The following ASB6 variants were observed in gnomAD, a reference collection of about 807,000 sequenced individuals.
The protein encoded by ASB6 is ankyrin repeat and SOCS box containing 6.
A neutral mutation model predicts 28.6 loss-of-function variants in ASB6; 24 were observed. That is an observed-to-expected ratio of 0.84 (90% confidence interval 0.61 to 1.18). The LOEUF (loss-of-function observed/expected upper bound fraction) is 1.18. ASB6 is among the 50% of genes most tolerant of loss of function. The probability of loss-of-function intolerance (pLI) is 0.00; values close to 1 mark genes in which losing one functional copy is unlikely to be tolerated. For synonymous variants in ASB6, 267 were observed against 243.4 expected (o/e 1.10, Z -0.90); for missense variants, 519 against 559.8 (o/e 0.93, Z 0.74).
chr9:129,637,889 C>A lies in ASB6; in HGVS notation c.1167G>T (p.Pro389=). The A allele has an allele frequency of 6.4e-7, 1 of 1,569,044 alleles. No individual in the cohort carries two copies. Among genetic ancestry groups the A allele is most frequent in the Non-Finnish European group, 8.6e-7 (1 of 1,157,242 alleles). Residue 389 remains proline (P), a synonymous_variant, in exon 6 of 6, where the codon CCG becomes CCT. Transcript: ENST00000277458. ...CRVAIRLYLQ[P]WPVDVKVKAL... is the part of the protein sequence containing the mutation. ...CTTTGACCTTCACATCCACAGGCCACGGCTGAAGGTAGAGCCGGATGGCCA... is the reference window on the plus strand; with the variant it reads ...CTTTGACCTTCACATCCACAGGCCAAGGCTGAAGGTAGAGCCGGATGGCCA...
Position 129,635,594 on chromosome 9 carries a change from C to T in ASB6, c.*2196G>A. 2 of 1,142,032 alleles carry T rather than the reference C, an allele frequency of 1.8e-6. No homozygotes were observed. Among genetic ancestry groups the T allele is most frequent in the Non-Finnish European group, 1.2e-6 (1 of 805,188 alleles). The allele number at this position is 1,142,032 out of a possible 1,614,324, so 70.7% of individuals were successfully genotyped here. ...CCACTAAATATAGCTGTCTGCCGTC[C>T]ACTCATTATGCGGGCTCTTCTTCAA... On this transcript the variant is annotated 3_prime_UTR_variant, in exon 6 of 6. Transcript: ENST00000277458.
At position 129,635,086 on chromosome 9, in the gene ASB6, C is replaced by A; in HGVS notation, c.*2704G>T. On this transcript the variant is annotated 3_prime_UTR_variant, in exon 6 of 6. Coordinates refer to ENST00000277458, the MANE Select transcript of ASB6 (RefSeq NM_017873.4). Reference sequence around the variant, plus strand: ...TCTCGGGACTGAGAGCCAATGAGGCCATGTGTGCACACAAAATGCTGGGCA... The same window carrying A: ...TCTCGGGACTGAGAGCCAATGAGGCAATGTGTGCACACAAAATGCTGGGCA... The A allele has an allele frequency of 8.7e-7, 1 of 1,143,698 alleles. No homozygotes were observed. The highest frequency in any genetic ancestry group is 1.2e-6 in the Non-Finnish European group (1 of 803,060). 70.8% of individuals were successfully genotyped at this position (1,143,698 alleles called of 1,614,324 possible). A position where few individuals can be genotyped will look rare whatever the true frequency, so the allele number is the denominator to read the frequency against.
Position 129,640,646 on chromosome 9 carries a change from AG to A in ASB6, c.189del (p.Tyr65ThrfsTer5), listed in dbSNP as rs1391245087. On this transcript the variant is annotated frameshift_variant, in exon 2 of 6. Transcript: ENST00000277458. LOFTEE classifies it high-confidence loss of function. ...GCGTTGCTCACGCCTTCCTGGTAAA[AG>A]GGAGAGTGGGCTTTCCTCTCCAGCA... ...TELLERKAHS[P>X]FYQEGVSNAL... 1 of 1,613,916 alleles carries A rather than the reference AG, an allele frequency of 6.2e-7. No homozygotes were observed. Among genetic ancestry groups the A allele is most frequent in the African/African-American group, 1.3e-5 (1 of 74,940 alleles).
At position 129,642,071 on chromosome 9, in the gene ASB6, C is replaced by A; in HGVS notation, c.-72G>T. ...CGAGATGCCCAGACGCCGACCGGAA[C>A]GCTCCGGCGGCCGCGGACCCCACCT... On this transcript the variant is annotated 5_prime_UTR_variant, in exon 1 of 6. Coordinates refer to ENST00000277458, the MANE Select transcript of ASB6 (RefSeq NM_017873.4). This position sits in a 1 kb window ranked among gnomAD's most constrained non-coding sequence, Gnocchi z 4.3. 6.8e-7 allele frequency: 1 copy of A among 1,465,990 alleles called. No homozygotes were observed. The highest frequency in any genetic ancestry group is 9.0e-7 in the Non-Finnish European group (1 of 1,106,058). 90.8% of individuals were successfully genotyped at this position (1,465,990 alleles called of 1,614,324 possible). A position where few individuals can be genotyped will look rare whatever the true frequency, so the allele number is the denominator to read the frequency against.
chr9:129,637,782 G>T lies in ASB6; in HGVS notation c.*8C>A. 1.3e-6 allele frequency: 2 copies of T among 1,508,740 alleles called. No homozygotes were observed. The highest frequency in any genetic ancestry group is 1.8e-6 in the Non-Finnish European group (2 of 1,129,066). 93.5% of individuals were successfully genotyped at this position (1,508,740 alleles called of 1,614,324 possible). On this transcript the variant is annotated 3_prime_UTR_variant, in exon 6 of 6. Coordinates refer to ENST00000277458, the MANE Select transcript of ASB6 (RefSeq NM_017873.4). ...CCCGTGTCCCCCGTTCCTGTAGCCT[G>T]AGACCTATCAGATGTCATCTTCCAC... is the stretch of plus-strand genomic sequence containing the variant.
rs1202091089 is a variant in ASB6, at chr9:129,639,429, G to A, written c.375C>T (p.His125=). Residue 125 remains histidine (H), a synonymous_variant, in exon 3 of 6, where the codon CAC becomes CAT. Transcript: ENST00000277458. ...QPDMVELLVH[H]GADVNRRDRI... is the part of the protein sequence containing the mutation. ...GGTCCCTCCGATTAACGTCGGCCCC[G>A]TGATGCACCAGCAGCTCCACCATGT... The A allele has an allele frequency of 4.3e-6, 7 of 1,613,490 alleles. No individual in the cohort carries two copies. The highest frequency in any genetic ancestry group is 1.7e-5 in the Admixed American group (1 of 59,980).
At chr9:129,640,397 T>A in intron 2 of ASB6, 144 bp downstream of exon 2, 3 of 1,167,600 alleles carry the variant, frequency 2.6e-6, no homozygotes, top group South Asian at 1.9e-5. Context: ...CCAATGGGAG[T>A]TTCCTTAGTT....
chr9:129,635,601 T>C lies in ASB6; in HGVS notation c.*2189A>G. The stretch of plus-strand genomic sequence containing the variant: ...ATATAGCTGTCTGCCGTCCACTCAT[T>C]ATGCGGGCTCTTCTTCAAAAGGCAA... On this transcript the variant is annotated 3_prime_UTR_variant, in exon 6 of 6. Coordinates refer to ENST00000277458, the MANE Select transcript of ASB6 (RefSeq NM_017873.4). The C allele has an allele frequency of 9.1e-7, 1 of 1,094,854 alleles. No homozygotes were observed. The allele number at this position is 1,094,854 out of a possible 1,614,324, so 67.8% of individuals were successfully genotyped here. A position where few individuals can be genotyped will look rare whatever the true frequency, so the allele number is the denominator to read the frequency against.
In ASB6 at chr9:129,638,571, ACCT is replaced by A. The variant is rs1350948213; in HGVS notation, c.597_598+1del. 4 of 1,613,796 alleles carry A rather than the reference ACCT, an allele frequency of 2.5e-6. No homozygotes were observed. The South Asian group carries it at 3.3e-5, about 13-fold the overall frequency. On this transcript the variant is annotated splice_donor_variant and coding_sequence_variant, in exon 5 of 6. Transcript: ENST00000277458. LOFTEE classifies it high-confidence loss of function. ...CGAGGCCTAGGAGCGCGCCAGCCTC[ACCT>A]CCTTCCAGTAAGAGACGAATGTTCT... is the stretch of plus-strand genomic sequence containing the variant.
At chr9:129,641,842 G>A (rs1322392996) in intron 1 of ASB6, 45 bp downstream of exon 1, 1 of 1,530,376 alleles carries the variant, frequency 6.5e-7, no homozygotes. Context: ...GGGACGCTGC[G>A]GGGTCGGAGC....
Position 129,635,178 on chromosome 9 carries a change from C to A in ASB6, c.*2612G>T. The A allele has an allele frequency of 6.3e-7, 1 of 1,592,038 alleles. No individual in the cohort carries two copies. Among genetic ancestry groups the A allele is most frequent in the Admixed American group, 1.7e-5 (1 of 59,572 alleles). ...AGTGCCGACATCCGCTTGCATGGTGCCCTGGTAACCTTGCCTCTGCCCTCC... is the reference window on the plus strand; with the variant it reads ...AGTGCCGACATCCGCTTGCATGGTGACCTGGTAACCTTGCCTCTGCCCTCC... On this transcript the variant is annotated 3_prime_UTR_variant, in exon 6 of 6. Transcript: ENST00000277458.
chr9:129,639,064 T>C, intron 4 of ASB6, 138 bp downstream of exon 4: 1 of 843,506 alleles, frequency 1.2e-6, no homozygotes. Context: ...AGAATCCCTG[T>C]GTGCCCAGCC....
At position 129,637,758 on chromosome 9, in the gene ASB6, C is replaced by A. The variant is rs778093305; in HGVS notation, c.*32G>T. 2.7e-6 allele frequency: 4 copies of A among 1,490,910 alleles called. No individual in the cohort carries two copies. Among genetic ancestry groups the A allele is most frequent in the Non-Finnish European group, 3.6e-6 (4 of 1,116,698 alleles). The allele number at this position is 1,490,910 out of a possible 1,614,324, so 92.4% of individuals were successfully genotyped here. ...CTACCAACAGGCTGACCTGAGCTGC[C>A]CGTGTCCCCCGTTCCTGTAGCCTGA... On this transcript the variant is annotated 3_prime_UTR_variant, in exon 6 of 6. Coordinates refer to ENST00000277458, the MANE Select transcript of ASB6 (RefSeq NM_017873.4).
At chr9:129,640,446 CAG>C in intron 2 of ASB6, 93 bp downstream of exon 2, 3 of 1,472,170 alleles carry the variant, frequency 2.0e-6, no homozygotes, top group Middle Eastern at 2.5e-4. Context: ...AGTCACTCCT[CAG>C]AGGATGGTAG....
chr9:129,639,509 C>A lies in ASB6; in HGVS notation c.296-1G>T. Reference sequence around the variant, plus strand: ...AAGGCCGTGTAGTAGGTGACTGGGTCTGAAGGTGCAGACACAGCTCATGTG... The same window carrying A: ...AAGGCCGTGTAGTAGGTGACTGGGTATGAAGGTGCAGACACAGCTCATGTG... On this transcript the variant is annotated splice_acceptor_variant, in intron 2 of 5. Coordinates refer to ENST00000277458, the MANE Select transcript of ASB6 (RefSeq NM_017873.4). LOFTEE classifies it high-confidence loss of function. 1 of 1,611,538 alleles carries A rather than the reference C, an allele frequency of 6.2e-7. No homozygotes were observed. The highest frequency in any genetic ancestry group is 1.1e-5 in the South Asian group (1 of 90,886).
At chr9:129,638,539 G>A (rs1447073378) in intron 5 of ASB6, 34 bp downstream of exon 5, 16 of 1,612,348 alleles carry the variant, frequency 9.9e-6, no homozygotes, top group Non-Finnish European at 1.3e-5. Flanking sequence ...AGGGGCGGGT[G>A]AGAGGACGAG....
rs960444977 is a variant in ASB6 at position 129,640,870 on chromosome 9, A to G, written c.114-148T>C. 5 of 924,020 alleles carry G rather than the reference A, an allele frequency of 5.4e-6. No homozygotes were observed. In the African/African-American group the frequency reaches 8.5e-5, roughly 16 times the overall value. 57.2% of individuals were successfully genotyped at this position (924,020 alleles called of 1,614,324 possible). A position where few individuals can be genotyped will look rare whatever the true frequency, so the allele number is the denominator to read the frequency against. Reference sequence around the variant, plus strand: ...CACAGGGGCTTGGGGGAAGCTCTGAAGTAGAGAGAGGGCCACGCTGCATCT... The same window carrying G: ...CACAGGGGCTTGGGGGAAGCTCTGAGGTAGAGAGAGGGCCACGCTGCATCT... On this transcript the variant is annotated intron_variant, in intron 1 of 5. Coordinates refer to ENST00000277458, the MANE Select transcript of ASB6 (RefSeq NM_017873.4).
At chr9:129,640,359 T>C (rs1831665459) in intron 2 of ASB6, 182 bp downstream of exon 2, 2 of 754,460 alleles carry the variant, frequency 2.7e-6, no homozygotes, top group Non-Finnish European at 4.0e-6. Context: ...AAGAGCCATG[T>C]GAAAACCCGC....
In ASB6 at chr9:129,638,382, A is replaced by T; in HGVS notation, c.674T>A (p.Val225Glu). The T allele has an allele frequency of 6.2e-7, 1 of 1,613,726 alleles. No individual in the cohort carries two copies. The highest frequency in any genetic ancestry group is 1.3e-5 in the African/African-American group (1 of 75,006). The part of the protein sequence containing the change: ...TCIIFLLGET[V>E]GGDKEEAQMI... The stretch of plus-strand genomic sequence containing the variant: ...CTGGGCCTCCTCTTTGTCCCCTCCC[A>T]CGGTCTCACCAAGCAGGAAGATGAT... The change falls in exon 6 of 6, where the codon GTG becomes GAG. Residue 225 changes from valine to glutamate, a missense_variant. Val to Glu is a moderately radical substitution (Grantham distance 121). Coordinates refer to ENST00000277458, the MANE Select transcript of ASB6 (RefSeq NM_017873.4).
Sources: allele counts gnomAD v4.1 joint callset, GRCh38; gene constraint gnomAD v4.1.1; non-coding constraint Gnocchi (gnomAD v3.1); transcripts MANE v1.5; gene names NCBI Gene and HGNC (gene_info 2026-07-23, HGNC 2026-07-21).